Variants in PLCE1 observed in about 807,000 individuals in gnomAD.
The protein encoded by PLCE1 is phospholipase C epsilon 1.
Under a neutral mutation model 242.8 loss-of-function variants are expected in PLCE1, and 119 were observed. The ratio of observed to expected loss-of-function variants is 0.49; its 90% CI spans 0.42 to 0.57. The LOEUF is 0.57. Ranked by LOEUF, PLCE1 falls within the 20% of genes least tolerant of loss-of-function variation. PLCE1 has a pLI of 0.00. For missense variants in PLCE1, 2,441 were observed against 2,788.8 expected, an observed-to-expected ratio of 0.88 and a Z score of 2.81; for synonymous variants, 945 against 1,017.4, an observed-to-expected ratio of 0.93 and a Z score of 1.35.
chr10:94,150,179 G>A (rs2047231079), intron 3 of PLCE1, among the ~76,000 whole-genome samples: 1 of 152,210 alleles, frequency 6.6e-6, no homozygotes, highest in African/African-American at 2.4e-5. Flanking sequence ...CTACGGCCCC[G>A]CCGCTGTGCT....
At chr10:94,312,395 GGTTA>G in intron 27 of PLCE1, among the ~76,000 whole-genome samples, 1 of 152,290 alleles carries the variant, frequency 6.6e-6, no homozygotes, top group African/African-American at 2.4e-5. Flanking sequence ...CCCTCCAACA[GGTTA>G]GTTGTAGAAC....
At chr10:94,089,073 A>G in intron 2 of PLCE1, 1 of 1,610,870 alleles carries the variant, frequency 6.2e-7, no homozygotes, top group Non-Finnish European at 8.5e-7. Flanking sequence ...ATTGGGCTTC[A>G]TTCAGTGGGT....
chr10:94,009,109 C>G (rs1229714361), intron 1 of PLCE1, among the ~76,000 whole-genome samples: 1 of 152,104 alleles, frequency 6.6e-6, no homozygotes, highest in Non-Finnish European at 1.5e-5. Context: ...TTTTAATTGG[C>G]TCACCATTCT....
At chr10:94,021,890 C>A (rs1423776319) in intron 1 of PLCE1, among the ~76,000 whole-genome samples, 1 of 152,046 alleles carries the variant, frequency 6.6e-6, no homozygotes, top group Non-Finnish European at 1.5e-5. Context: ...AAACTAGGAA[C>A]ACAAGATAAA....
chr10:94,092,480 T>C (rs566519386), intron 2 of PLCE1, among the ~76,000 whole-genome samples: 2 of 152,314 alleles, frequency 1.3e-5, no homozygotes, highest in South Asian at 4.1e-4. Flanking sequence ...AGCATATTCC[T>C]TCATAAGGAA....
intron 2 of PLCE1, among the ~76,000 whole-genome samples, chr10:94,080,663 G>A (rs534931749): frequency 6.6e-6 from 1 of 152,238 alleles, no homozygotes; most frequent in East Asian, 1.9e-4. Flanking sequence ...CCCTTCACCA[G>A]CCTTTACACT....
chr10:94,294,674 T>C (rs547109338), intron 23 of PLCE1, among the ~76,000 whole-genome samples: 1 of 152,284 alleles, frequency 6.6e-6, no homozygotes, highest in East Asian at 1.9e-4. Flanking sequence ...TGATACAAAA[T>C]GCTAACAATC....
intron 1 of PLCE1, among the ~76,000 whole-genome samples, chr10:94,017,393 C>T (rs1223617): frequency 0.53 from 81,191 of 151,932 alleles, 22,651 homozygotes; most frequent in East Asian, 0.73. Flanking sequence ...TTCTCAGTGG[C>T]AAATCAGAGG....
At chr10:94,248,868 T>G (rs2050778949) in intron 8 of PLCE1, among the ~76,000 whole-genome samples, 1 of 152,208 alleles carries the variant, frequency 6.6e-6, no homozygotes, top group African/African-American at 2.4e-5. Context: ...CATAGGTAAC[T>G]GAATTAATAC....
At chr10:94,307,903 A>G (rs2053259218) in intron 26 of PLCE1, among the ~76,000 whole-genome samples, 1 of 152,220 alleles carries the variant, frequency 6.6e-6, no homozygotes, top group South Asian at 2.1e-4. Context: ...CATAGAAACA[A>G]AAACAATTTT....
chr10:94,315,503 T>C (rs2053536197), intron 28 of PLCE1: 1 of 455,904 alleles, frequency 2.2e-6, no homozygotes, highest in Non-Finnish European at 4.4e-6. Context: ...GGTAAAACTA[T>C]AATGCCTGTA....
intron 8 of PLCE1, among the ~76,000 whole-genome samples, chr10:94,250,097 A>C (rs1359982404): frequency 6.7e-6 from 1 of 148,402 alleles, no homozygotes; most frequent in Non-Finnish European, 1.5e-5. Flanking sequence ...TCTCCACTGC[A>C]CTCCAGCCTG....
At chr10:94,077,955 G>T (rs979730504) in intron 2 of PLCE1, among the ~76,000 whole-genome samples, 1 of 152,152 alleles carries the variant, frequency 6.6e-6, no homozygotes, top group Non-Finnish European at 1.5e-5. Context: ...AAAAGCAAAA[G>T]ACCTAAAAAC....
intron 3 of PLCE1, among the ~76,000 whole-genome samples, chr10:94,168,231 A>G (rs1237024288): frequency 2.0e-5 from 3 of 152,202 alleles, no homozygotes; most frequent in African/African-American, 4.8e-5. Context: ...CACTAGGGCA[A>G]TGTGTCCTAT....
intron 4 of PLCE1, among the ~76,000 whole-genome samples, chr10:94,196,415 G>A (rs555526848): frequency 3.2e-4 from 49 of 152,268 alleles, no homozygotes; most frequent in African/African-American, 1.1e-3. Flanking sequence ...AGCAGCTGTA[G>A]CCCCAGGAGA....
intron 1 of PLCE1, among the ~76,000 whole-genome samples, chr10:94,025,444 C>T (rs1237908496): frequency 6.6e-6 from 1 of 152,168 alleles, no homozygotes; most frequent in Non-Finnish European, 1.5e-5. Flanking sequence ...GTGCTTAGAA[C>T]ATGCCTGATA....
chr10:94,205,214 A>G (rs1465408892), intron 4 of PLCE1, among the ~76,000 whole-genome samples: 1 of 152,166 alleles, frequency 6.6e-6, no homozygotes, highest in Non-Finnish European at 1.5e-5. Flanking sequence ...CCACCTTTCC[A>G]TTCCCCAGGG....
chr10:94,060,817 T>C (rs1414366259), intron 2 of PLCE1, among the ~76,000 whole-genome samples: 1 of 151,730 alleles, frequency 6.6e-6, no homozygotes, highest in Non-Finnish European at 1.5e-5. Flanking sequence ...CTACCTCATC[T>C]TCCCAAGTAG....
In PLCE1 at chr10:94,062,305, A is replaced by G. The variant is rs191493178; in HGVS notation, c.1206+30053A>G. Among the ~76,000 whole-genome samples the G allele has an allele frequency of 1.3e-3, 195 of 151,950 alleles. 1 individual carries two copies. Among genetic ancestry groups the G allele is most frequent in the African/African-American group, 3.9e-3 (163 of 41,442 alleles). On this transcript the variant is annotated intron_variant, in intron 2 of 32. Coordinates refer to ENST00000371380, the MANE Select transcript of PLCE1 (RefSeq NM_016341.4). ...TTGTTTTTTTTCATTTTTGGAGGTGAGATCTCATGAAGTTGCCCAGATTGG... is the reference window on the plus strand; with the variant it reads ...TTGTTTTTTTTCATTTTTGGAGGTGGGATCTCATGAAGTTGCCCAGATTGG...
Sources: allele counts gnomAD v4.1 joint callset (sites outside exome capture counted in the v4.1 genomes callset), GRCh38; gene constraint gnomAD v4.1.1; transcripts MANE v1.5; gene names NCBI Gene and HGNC (gene_info 2026-07-23, HGNC 2026-07-21).